The following OSCP1 variants were observed in gnomAD, a reference collection of about 807,000 sequenced individuals.
The protein encoded by OSCP1 is protein OSCP1.
A neutral mutation model predicts 45.1 loss-of-function variants in OSCP1; 35 were observed. The ratio of observed to expected loss-of-function variants is 0.78; its 90% confidence interval spans 0.59 to 1.03. The LOEUF (loss-of-function observed/expected upper bound fraction) is 1.03. Among genes scored for constraint, OSCP1 ranks in the 50% least tolerant of loss-of-function variants. The pLI is 0.00. For missense variants in OSCP1, 400 were observed against 470.7 expected, an observed-to-expected ratio of 0.85 and a Z score of 1.39; for synonymous variants, 179 against 180.1, an observed-to-expected ratio of 0.99 and a Z score of 0.05.
At chr1:36,418,281 G>C (rs753421931) in intron 9 of OSCP1, 26 bp from the exon 10 acceptor site, 3 of 1,608,734 alleles carry the variant, frequency 1.9e-6, no homozygotes, top group African/African-American at 2.7e-5. Context: ...GAGGTAAAAG[G>C]GCATGAAGAG....
chr1:36,429,291 G>A (rs756172475), intron 4 of OSCP1, among the ~76,000 whole-genome samples: 1 of 151,858 alleles, frequency 6.6e-6, no homozygotes, highest in Non-Finnish European at 1.5e-5. Flanking sequence ...AGAGGCTGAG[G>A]TGGAAGGTCA....
chr1:36,437,864 T>C (rs1185238629), intron 2 of OSCP1, among the ~76,000 whole-genome samples: 2 of 152,090 alleles, frequency 1.3e-5, no homozygotes, highest in East Asian at 3.9e-4. Flanking sequence ...CTGGGGTTCA[T>C]AAATATGGGC....
intron 9 of OSCP1, chr1:36,418,498 T>A: frequency 1.8e-6 from 1 of 556,986 alleles, no homozygotes; most frequent in African/African-American, 1.9e-5. Context: ...CAGATGGGTA[T>A]AGTTAAGAAA....
At chr1:36,444,344 T>C (rs1172196526) in intron 1 of OSCP1, among the ~76,000 whole-genome samples, 1 of 152,192 alleles carries the variant, frequency 6.6e-6, no homozygotes, top group Non-Finnish European at 1.5e-5. Flanking sequence ...CGCTCTCTAA[T>C]GCTACAAGAA....
At chr1:36,449,427 AT>A (rs71903574) in intron 1 of OSCP1, among the ~76,000 whole-genome samples, 15,612 of 85,850 alleles carry the variant, frequency 0.18, 955 homozygotes, top group East Asian at 0.46. Context: ...TAACTTTCTT[AT>A]TTTTTTCATA....
At chr1:36,441,981 A>G (rs1649211511) in intron 1 of OSCP1, among the ~76,000 whole-genome samples, 1 of 151,998 alleles carries the variant, frequency 6.6e-6, no homozygotes, top group Admixed American at 6.6e-5. Flanking sequence ...TAATCCCAGC[A>G]GTTTGGGAGG....
In OSCP1 at chr1:36,447,826, C is replaced by T. The variant is rs1649637468; in HGVS notation, c.112+2432G>A. On this transcript the variant is annotated intron_variant, in intron 1 of 9. Coordinates refer to ENST00000235532, the MANE Select transcript of OSCP1 (RefSeq NM_145047.5). This position sits in a 1 kb window ranked among gnomAD's most constrained non-coding sequence, Gnocchi z 4.1. Reference sequence around the variant, plus strand: ...CAATAGCCCTACCTCCAGTGAATGTCCAGAAGGGCTGCATCAGGCTCCATA... The same window carrying T: ...CAATAGCCCTACCTCCAGTGAATGTTCAGAAGGGCTGCATCAGGCTCCATA... 2.3e-6 allele frequency: 1 copy of T among 428,944 alleles called. No homozygotes were observed. The highest frequency in any genetic ancestry group is 4.8e-6 in the Non-Finnish European group (1 of 208,612). 26.6% of individuals were successfully genotyped at this position (428,944 alleles called of 1,614,324 possible).
In OSCP1 at chr1:36,423,344, A is replaced by C; in HGVS notation, c.620+19T>G. ...TCCTAGCACCCCAAACATAGCTCTG[A>C]TCATTGTTGGGAATTCACCTGATGA... On this transcript the variant is annotated intron_variant, in intron 5 of 9. Coordinates refer to ENST00000235532, the MANE Select transcript of OSCP1 (RefSeq NM_145047.5). 1 of 1,569,586 alleles carries C rather than the reference A, an allele frequency of 6.4e-7. No individual in the cohort carries two copies. The highest frequency in any genetic ancestry group is 8.8e-7 in the Non-Finnish European group (1 of 1,139,710).
In OSCP1 at chr1:36,429,535, A is replaced by ATTTTTTTTTTTTTTTTTTTTTTT. The variant is rs200043573; in HGVS notation, c.516+2244_516+2266dup. 3.1e-4 allele frequency among the ~76,000 whole-genome samples: 31 copies of ATTTTTTTTTTTTTTTTTTTTTTT among 100,316 alleles called. 3 individuals carry two copies. Among genetic ancestry groups the ATTTTTTTTTTTTTTTTTTTTTTT allele is most frequent in the African/African-American group, 1.1e-3 (27 of 23,902 alleles). 65.8% of individuals were successfully genotyped at this position (100,316 alleles called of 152,430 possible). A position where few individuals can be genotyped will look rare whatever the true frequency, so the allele number is the denominator to read the frequency against. Reference sequence around the variant, plus strand: ...CACATTCAAAATTCAGAAGCTTAGAATTTTTTTTTTTTTTTTTTTTTTTTT... The same window carrying ATTTTTTTTTTTTTTTTTTTTTTT: ...CACATTCAAAATTCAGAAGCTTAGAATTTTTTTTTTTTTTTTTTTTTTTTTTTTTTTTTTTTTTTTTTTTTTTT... On this transcript the variant is annotated intron_variant, in intron 4 of 9. Coordinates refer to ENST00000235532, the MANE Select transcript of OSCP1 (RefSeq NM_145047.5).
intron 1 of OSCP1, among the ~76,000 whole-genome samples, chr1:36,441,380 AAGG>A (rs1363576510): frequency 2.0e-5 from 3 of 152,216 alleles, no homozygotes. Flanking sequence ...CACAAAGAGG[AAGG>A]AGATGTTATC....
intron 2 of OSCP1, among the ~76,000 whole-genome samples, chr1:36,437,495 T>G (rs991369849): frequency 1.3e-5 from 2 of 152,066 alleles, no homozygotes; most frequent in Non-Finnish European, 2.9e-5. Flanking sequence ...TGGGGTTGAG[T>G]GCTTTTTAAA....
At chr1:36,444,089 C>A (rs1649361341) in intron 1 of OSCP1, 1 of 1,565,430 alleles carries the variant, frequency 6.4e-7, no homozygotes, top group Non-Finnish European at 8.8e-7. Flanking sequence ...ACATTATTTT[C>A]AAGGAGGCTT....
chr1:36,431,933 A>G (rs371123523), intron 3 of OSCP1, 51 bp from the exon 4 acceptor site: 74 of 1,554,126 alleles, frequency 4.8e-5, no homozygotes, highest in Non-Finnish European at 6.2e-5. Context: ...AGGGATGAGT[A>G]GTACGCACCG....
chr1:36,422,630 T>C, intron 6 of OSCP1, 138 bp downstream of exon 6: 1 of 853,428 alleles, frequency 1.2e-6, no homozygotes, highest in South Asian at 2.1e-5. Flanking sequence ...GGCCTCTGTA[T>C]GCAGTGTACC....
chr1:36,423,888 AT>A (rs1329320335), intron 4 of OSCP1, among the ~76,000 whole-genome samples: 1 of 152,118 alleles, frequency 6.6e-6, no homozygotes, highest in Non-Finnish European at 1.5e-5. Flanking sequence ...AAATAAAAAA[AT>A]AAAAAAAAGA....
At chr1:36,449,174 T>G (rs889944615) in intron 1 of OSCP1, among the ~76,000 whole-genome samples, 1 of 152,194 alleles carries the variant, frequency 6.6e-6, no homozygotes, top group African/African-American at 2.4e-5. Flanking sequence ...CTTTTCAACT[T>G]TTCCTCCTCC....
intron 4 of OSCP1, chr1:36,428,264 G>A (rs1381077017): frequency 6.6e-7 from 1 of 1,509,100 alleles, no homozygotes; most frequent in African/African-American, 1.4e-5. Context: ...TTTGTCCATG[G>A]AAGGGAAATA....
At chr1:36,443,785 T>C (rs1281694276) in intron 1 of OSCP1, among the ~76,000 whole-genome samples, 1 of 152,234 alleles carries the variant, frequency 6.6e-6, no homozygotes, top group Non-Finnish European at 1.5e-5. Flanking sequence ...GGCTTTTTGG[T>C]CAGAGTTTGC....
At chr1:36,434,146 T>C (rs1648556311) in intron 2 of OSCP1, among the ~76,000 whole-genome samples, 1 of 152,054 alleles carries the variant, frequency 6.6e-6, no homozygotes, top group Non-Finnish European at 1.5e-5. Flanking sequence ...GGAGAGAAGA[T>C]GGACGGTTAA....
Sources: allele counts gnomAD v4.1 joint callset (sites outside exome capture counted in the v4.1 genomes callset), GRCh38; gene constraint gnomAD v4.1.1; non-coding constraint Gnocchi (gnomAD v3.1); transcripts MANE v1.5; gene names NCBI Gene and HGNC (gene_info 2026-07-23, HGNC 2026-07-21).